The following PLEKHG7 variants were observed in gnomAD, a reference collection of about 807,000 sequenced individuals.
PLEKHG7 encodes the protein pleckstrin homology domain-containing family G member 7.
Under a neutral mutation model 85.2 loss-of-function variants are expected in PLEKHG7, and 77 were observed. That is an observed-to-expected ratio of 0.90 (90% confidence interval 0.75 to 1.09). PLEKHG7 has a LOEUF of 1.09. Ranked by LOEUF, PLEKHG7 falls within the 50% of genes least tolerant of loss-of-function variation. The pLI is 0.00. For missense variants in PLEKHG7, 777 were observed against 804.3 expected (o/e 0.97, Z 0.41); for synonymous variants, 301 against 302.4 (o/e 1.00, Z 0.05).
chr12:92,735,843 C>CTT (rs151145036), intron 5 of PLEKHG7, among the ~76,000 whole-genome samples: 4 of 151,810 alleles, frequency 2.6e-5, no homozygotes, highest in African/African-American at 9.7e-5. Context: ...ACATTTCATG[C>CTT]TTTTTTTTGT....
At chr12:92,738,488 G>T (rs1872248041) in intron 7 of PLEKHG7, among the ~76,000 whole-genome samples, 1 of 152,194 alleles carries the variant, frequency 6.6e-6, no homozygotes, top group East Asian at 1.9e-4. Flanking sequence ...TAAACCAGGG[G>T]TTGACAAATC....
intron 14 of PLEKHG7, 34 bp from the exon 15 acceptor site, chr12:92,764,007 T>G (rs1873111382): frequency 6.3e-7 from 1 of 1,580,010 alleles, no homozygotes; most frequent in Non-Finnish European, 8.6e-7. Context: ...TATTTATTTC[T>G]TGTTTATTGC....
At chr12:92,704,996 T>A (rs1871191616) in intron 1 of PLEKHG7, among the ~76,000 whole-genome samples, 1 of 152,222 alleles carries the variant, frequency 6.6e-6, no homozygotes, top group Admixed American at 6.5e-5. Flanking sequence ...GCTCCTCCTC[T>A]ACTGATAGGA....
Position 92,706,507 on chromosome 12 carries a change from GA to G in PLEKHG7, c.-121del. 8.1e-7 allele frequency: 1 copy of G among 1,227,742 alleles called. No homozygotes were observed. Among genetic ancestry groups the G allele is most frequent in the Non-Finnish European group, 1.1e-6 (1 of 897,216 alleles). 76.1% of individuals were successfully genotyped at this position (1,227,742 alleles called of 1,614,324 possible). ...TGCTTGACATTCTCCTCTGGAAAAG[GA>G]AAAGAACTACGAGAGGAAGCATGGC... On this transcript the variant is annotated 5_prime_UTR_variant, in exon 2 of 17. Coordinates refer to ENST00000344636, the MANE Select transcript of PLEKHG7 (RefSeq NM_001377329.1).
intron 4 of PLEKHG7, among the ~76,000 whole-genome samples, chr12:92,731,724 T>G (rs1456052626): frequency 6.6e-6 from 1 of 152,216 alleles, no homozygotes; most frequent in Non-Finnish European, 1.5e-5. Flanking sequence ...TGTTTTAATG[T>G]TCCCTATTTT....
chr12:92,761,397 G>T (rs889677013), intron 13 of PLEKHG7, among the ~76,000 whole-genome samples: 1 of 152,022 alleles, frequency 6.6e-6, no homozygotes, highest in Non-Finnish European at 1.5e-5. Context: ...AATGTTGGAA[G>T]CTTGGCCTCT....
chr12:92,727,024 C>T (rs561503172), intron 3 of PLEKHG7, among the ~76,000 whole-genome samples: 3 of 152,220 alleles, frequency 2.0e-5, no homozygotes, highest in South Asian at 2.1e-4. Context: ...GGTGCATTTG[C>T]GTTGACATGT....
At chr12:92,727,690 G>T (rs1037587136) in intron 3 of PLEKHG7, among the ~76,000 whole-genome samples, 1 of 151,974 alleles carries the variant, frequency 6.6e-6, no homozygotes, top group Non-Finnish European at 1.5e-5. Context: ...CCAGGTTCAA[G>T]CGATTCTCCT....
At position 92,740,936 on chromosome 12, in the gene PLEKHG7, G is replaced by C. The variant is rs760339652; in HGVS notation, c.1023G>C (p.Glu341Asp). The C allele has an allele frequency of 6.2e-7, 1 of 1,608,514 alleles. No individual in the cohort carries two copies. Among genetic ancestry groups the C allele is most frequent in the Non-Finnish European group, 8.5e-7 (1 of 1,175,620 alleles). ...TATGGAGACTTTTTGCAAACCTGGA[G>C]GAGTTAACTCAGGTGAGCCAAGTAG... ...VDLWRLFANL[E>D]ELTQTSLGFV... The change falls in exon 8 of 17, where the codon GAG (glutamate) becomes GAC (aspartate). Residue 341 changes from glutamate (E) to aspartate (D), a missense_variant. Coordinates refer to ENST00000344636, the MANE Select transcript of PLEKHG7 (RefSeq NM_001377329.1).
chr12:92,755,638 G>T (rs528818194), intron 11 of PLEKHG7, among the ~76,000 whole-genome samples, 187 bp from the exon 12 acceptor site: 1 of 152,342 alleles, frequency 6.6e-6, no homozygotes, highest in East Asian at 1.9e-4. Flanking sequence ...CTCTGCAAGA[G>T]ACTGATTCCA....
chr12:92,768,868 C>T, intron 15 of PLEKHG7, 115 bp from the exon 16 acceptor site: 3 of 675,014 alleles, frequency 4.4e-6, no homozygotes, highest in Non-Finnish European at 7.2e-6. Flanking sequence ...CTCCCACCCT[C>T]GTTAAAACAG....
intron 1 of PLEKHG7, among the ~76,000 whole-genome samples, chr12:92,703,436 A>G (rs555286109): frequency 5.3e-5 from 8 of 152,184 alleles, no homozygotes; most frequent in Non-Finnish European, 1.0e-4. Flanking sequence ...TGACTTGTTA[A>G]CTTTTGATTC....
chr12:92,715,760 T>C (rs1266309404), intron 3 of PLEKHG7, among the ~76,000 whole-genome samples: 2 of 141,142 alleles, frequency 1.4e-5, no homozygotes, highest in Admixed American at 7.0e-5. Flanking sequence ...TGGTATAAAC[T>C]AGGATTTAGC....
chr12:92,728,919 T>C, intron 3 of PLEKHG7, 74 bp from the exon 4 acceptor site: 1 of 1,146,636 alleles, frequency 8.7e-7, no homozygotes, highest in Non-Finnish European at 1.1e-6. Context: ...GTTTTTTTAC[T>C]TTTTAAAAAT....
At chr12:92,710,361 A>T (rs1871343862) in intron 3 of PLEKHG7, among the ~76,000 whole-genome samples, 1 of 152,214 alleles carries the variant, frequency 6.6e-6, no homozygotes, top group Non-Finnish European at 1.5e-5. Flanking sequence ...AATGGGGAAC[A>T]TGGTAAGACC....
chr12:92,714,503 T>C (rs1403371326), intron 3 of PLEKHG7, among the ~76,000 whole-genome samples: 2 of 152,180 alleles, frequency 1.3e-5, no homozygotes, highest in Non-Finnish European at 2.9e-5. Flanking sequence ...GCTACTCACA[T>C]AATAAGAGCT....
At chr12:92,708,967 T>C (rs1294758971) in intron 3 of PLEKHG7, among the ~76,000 whole-genome samples, 1 of 152,212 alleles carries the variant, frequency 6.6e-6, no homozygotes, top group Admixed American at 6.5e-5. Context: ...AGATGAGATC[T>C]AGTTCAGTTG....
Position 92,706,558 on chromosome 12 carries a change from C to T in PLEKHG7, c.-74C>T. On this transcript the variant is annotated 5_prime_UTR_variant, in exon 2 of 17. Transcript: ENST00000344636. Reference sequence around the variant, plus strand: ...CACTTGGATGCAGAAATTGAGCACCCTCCATGTGATCCAGAGAACAGCAAC... The same window carrying T: ...CACTTGGATGCAGAAATTGAGCACCTTCCATGTGATCCAGAGAACAGCAAC... 1 of 1,501,872 alleles carries T rather than the reference C, an allele frequency of 6.7e-7. No individual in the cohort carries two copies. Among genetic ancestry groups the T allele is most frequent in the Non-Finnish European group, 8.9e-7 (1 of 1,127,510 alleles). The allele number at this position is 1,501,872 out of a possible 1,614,324, so 93.0% of individuals were successfully genotyped here.
intron 13 of PLEKHG7, among the ~76,000 whole-genome samples, chr12:92,759,163 A>G (rs1183845284): frequency 6.6e-6 from 1 of 152,238 alleles, no homozygotes; most frequent in Non-Finnish European, 1.5e-5. Context: ...CAGAAGGTAC[A>G]CATTTTCATA....
Sources: gnomAD v4.1 joint callset for allele counts (sites outside exome capture counted in the v4.1 genomes callset) on GRCh38, gnomAD v4.1.1 for gene constraint, MANE v1.5 for transcripts, NCBI Gene and HGNC (gene_info 2026-07-23, HGNC 2026-07-21) for gene names.